ZNF44: variants seen among roughly 807,000 people sequenced by gnomAD.
ZNF44 encodes gonadotropin inducible transcription repressor-2.
In ZNF44, 9 loss-of-function variants were observed where a neutral mutation model predicts 11.7. That is an observed-to-expected ratio of 0.77 (90% confidence interval 0.46 to 1.35). The LOEUF is 1.35. Among genes scored for constraint, ZNF44 ranks in the 40% most tolerant of loss-of-function variants. The probability of loss-of-function intolerance (pLI) is 0.00; values close to 1 mark genes in which losing one functional copy is unlikely to be tolerated. For synonymous variants in ZNF44, 224 were observed against 242.7 expected, an observed-to-expected ratio of 0.92 and a Z score of 0.72; for missense variants, 696 against 743.1, an observed-to-expected ratio of 0.94 and a Z score of 0.74.
intron 3 of ZNF44, 99 bp downstream of exon 3, chr19:12,274,874 A>G: frequency 1.3e-6 from 1 of 794,400 alleles, no homozygotes; most frequent in Non-Finnish European, 1.9e-6. Flanking sequence ...AAATAAATTT[A>G]AGCTGGGCTT....
intron 2 of ZNF44, 29 bp from the exon 3 acceptor site, chr19:12,275,062 T>C (rs756714178): frequency 6.6e-7 from 1 of 1,513,098 alleles, no homozygotes; most frequent in African/African-American, 1.4e-5. Context: ...AAATTCACTA[T>C]AAATTATTAC....
At position 12,256,057 on chromosome 19, in the gene ZNF44, A is replaced by C. The variant is rs1056893094; in HGVS notation, c.1913-5689T>G. ...TGTCTCAAAAAAAAAAAAAAAAAAA[A>C]AAAAAAACAGCCTACATAGTAAAGG... On this transcript the variant is annotated intron_variant and NMD_transcript_variant, in intron 5 of 7. Coordinates refer to the ZNF44 transcript ENST00000393337. 3.4e-5 allele frequency among the ~76,000 whole-genome samples: 5 copies of C among 147,202 alleles called. No individual in the cohort carries two copies. In the East Asian group the frequency reaches 9.8e-4, roughly 29 times the overall value.
intron 1 of ZNF44, among the ~76,000 whole-genome samples, chr19:12,280,043 A>G (rs1967404280): frequency 6.6e-6 from 1 of 152,002 alleles, no homozygotes. Flanking sequence ...TAATAGATAT[A>G]GGTTTATTCA....
At chr19:12,254,978 A>G (rs560757481) in intron 5 of ZNF44, among the ~76,000 whole-genome samples, 1 of 151,982 alleles carries the variant, frequency 6.6e-6, no homozygotes, top group African/African-American at 2.4e-5. Context: ...AATCCCAGCT[A>G]CTTGGGAGGC....
At chr19:12,268,131 T>TACACACACACACACAC (rs1230538619), downstream of ZNF44, among the ~76,000 whole-genome samples, 1 of 106,700 alleles carries the variant, frequency 9.4e-6, no homozygotes, top group Non-Finnish European at 1.9e-5. Flanking sequence ...TTGGTGTTCT[T>TACACACACACACACAC]ACACACACAC....
intron 5 of ZNF44, among the ~76,000 whole-genome samples, chr19:12,263,860 G>C (rs1917621298): frequency 6.6e-6 from 1 of 150,862 alleles, no homozygotes; most frequent in African/African-American, 2.5e-5. Flanking sequence ...AGGAGGCAGA[G>C]CTTCCAGTGA....
chr19:12,257,323 AACAGTCC>A (rs750816275), intron 5 of ZNF44, among the ~76,000 whole-genome samples: 8 of 152,144 alleles, frequency 5.3e-5, no homozygotes, highest in Non-Finnish European at 8.8e-5. Flanking sequence ...AGTAAATTGC[AACAGTCC>A]ACTTTGAGGC....
At chr19:12,289,860 G>A (rs773201117) in intron 1 of ZNF44, among the ~76,000 whole-genome samples, 2 of 151,820 alleles carry the variant, frequency 1.3e-5, no homozygotes, top group African/African-American at 2.4e-5. Context: ...CACGATCTCC[G>A]GACCTTGCAA....
intron 1 of ZNF44, among the ~76,000 whole-genome samples, chr19:12,286,547 T>G (rs963826520): frequency 1.4e-5 from 2 of 147,386 alleles, no homozygotes; most frequent in Non-Finnish European, 3.0e-5. Context: ...GGCAGAAAAT[T>G]GCTTGAACCT....
At chr19:12,251,475 G>A (rs1916994153) in intron 5 of ZNF44, among the ~76,000 whole-genome samples, 1 of 152,046 alleles carries the variant, frequency 6.6e-6, no homozygotes, top group Admixed American at 6.6e-5. Context: ...CCCCAGAGAA[G>A]TGTTCATTTT....
rs1428104855 is a variant in ZNF44 at position 12,273,512 on chromosome 19, G to T, written c.743C>A (p.Thr248Asn). Residue 248 changes from threonine to asparagine, a missense_variant, in exon 4 of 4, where the codon ACT becomes AAT. Transcript: ENST00000355684. ...CTTACATTCATACGGTTTCTCCCCAGTGTGTATTTTTTCATGTCTTAGATA... is the reference window on the plus strand; with the variant it reads ...CTTACATTCATACGGTTTCTCCCCATTGTGTATTTTTTCATGTCTTAGATA... ...SSYLRHEKIH[T>N]GEKPYECKQC... is the part of the protein sequence containing the mutation. 3.1e-6 allele frequency: 5 copies of T among 1,613,908 alleles called. No individual in the cohort carries two copies. Among genetic ancestry groups the T allele is most frequent in the African/African-American group, 1.3e-5 (1 of 74,870 alleles).
At chr19:12,290,112 G>C (rs552902843) in intron 1 of ZNF44, among the ~76,000 whole-genome samples, 6 of 151,986 alleles carry the variant, frequency 3.9e-5, no homozygotes, top group Admixed American at 2.0e-4. Context: ...TTGGCTGGGC[G>C]TGGTGGCTCA....
At chr19:12,289,689 G>T (rs1967922258) in intron 1 of ZNF44, among the ~76,000 whole-genome samples, 1 of 141,636 alleles carries the variant, frequency 7.1e-6, no homozygotes, top group Non-Finnish European at 1.5e-5. Flanking sequence ...CTGTCGCCCA[G>T]GCTGAAGTGC....
At position 12,273,506 on chromosome 19, in the gene ZNF44, T is replaced by C; in HGVS notation, c.749A>G (p.Glu250Gly). 6.2e-7 allele frequency: 1 copy of C among 1,614,148 alleles called. No homozygotes were observed. The highest frequency in any genetic ancestry group is 1.3e-5 in the African/African-American group (1 of 75,050). ...YLRHEKIHTG[E>G]KPYECKQCSK... The stretch of plus-strand genomic sequence containing the variant: ...ACACTGCTTACATTCATACGGTTTC[T>C]CCCCAGTGTGTATTTTTTCATGTCT... The change falls in exon 4 of 4, where the codon GAG becomes GGG. Residue 250 changes from glutamate (E) to glycine (G), a missense_variant. Glu to Gly is a moderately conservative substitution (Grantham distance 98, BLOSUM62 -2). Coordinates refer to ENST00000355684, the MANE Select transcript of ZNF44 (RefSeq NM_016264.4).
At chr19:12,252,963 C>A (rs1036777450) in intron 5 of ZNF44, among the ~76,000 whole-genome samples, 10 of 139,502 alleles carry the variant, frequency 7.2e-5, no homozygotes, top group Admixed American at 3.0e-4. Flanking sequence ...TCTTGGCTCA[C>A]TGCAACCTCC....
At chr19:12,239,295 G>C (rs1476309259), upstream of ZNF44, among the ~76,000 whole-genome samples, 1 of 151,632 alleles carries the variant, frequency 6.6e-6, no homozygotes, top group Non-Finnish European at 1.5e-5. Flanking sequence ...TGTATTTTTA[G>C]TATAGACGGG....
chr19:12,249,114 C>T (rs1311608305), intron 7 of ZNF44, among the ~76,000 whole-genome samples: 1 of 151,926 alleles, frequency 6.6e-6, no homozygotes, highest in Non-Finnish European at 1.5e-5. Context: ...GTCTTGAACT[C>T]CTGACCTCAC....
chr19:12,284,919 T>C (rs1967665715), intron 1 of ZNF44: 1 of 717,278 alleles, frequency 1.4e-6, no homozygotes. Context: ...TGGCATCGTC[T>C]CAGCGCCTGT....
chr19:12,282,001 G>A (rs1201178626), intron 1 of ZNF44, among the ~76,000 whole-genome samples: 3 of 152,082 alleles, frequency 2.0e-5, no homozygotes, highest in African/African-American at 7.3e-5. Flanking sequence ...GAAAACAGAA[G>A]CAGAGGAAAC....
Sources: allele counts gnomAD v4.1 joint callset (sites outside exome capture counted in the v4.1 genomes callset), GRCh38; gene constraint gnomAD v4.1.1; transcripts MANE v1.5; gene names NCBI Gene and HGNC (gene_info 2026-07-23, HGNC 2026-07-21).